CDK13: variants seen among roughly 807,000 people sequenced by gnomAD.
The protein encoded by CDK13 is cyclin-dependent kinase 13.
Under a neutral mutation model 137.6 loss-of-function variants are expected in CDK13, and 40 were observed. That is an observed-to-expected ratio of 0.29 (90% CI 0.23 to 0.38). The LOEUF (loss-of-function observed/expected upper bound fraction) is 0.38, where lower values mean the gene tolerates loss of function less well. Among genes scored for constraint, CDK13 ranks in the 10% least tolerant of loss-of-function variants. The probability of loss-of-function intolerance (pLI) is 1.00; values close to 1 mark genes in which losing one functional copy is unlikely to be tolerated. For synonymous variants in CDK13, 869 were observed against 760.1 expected (o/e 1.14, Z -2.36); for missense variants, 1,704 against 1,951.8 (o/e 0.87, Z 2.39).
intron 5 of CDK13, among the ~76,000 whole-genome samples, chr7:40,039,592 C>T (rs1449542513): frequency 5.9e-5 from 9 of 151,758 alleles, no homozygotes; most frequent in Admixed American, 3.9e-4. Flanking sequence ...CCACCATGCC[C>T]GGCTAATTTT....
At position 39,950,465 on chromosome 7, in the gene CDK13, T is replaced by C; in HGVS notation, c.-177T>C. On this transcript the variant is annotated 5_prime_UTR_variant, in exon 1 of 14. Coordinates refer to ENST00000181839, the MANE Select transcript of CDK13 (RefSeq NM_003718.5). ...GCCCGGAGGCTGCTGCGTACCCCAC[T>C]GTGACCTGGAACCCAGGGACCCGAG... The C allele has an allele frequency of 1.6e-6, 2 of 1,254,060 alleles. No individual in the cohort carries two copies. Among genetic ancestry groups the C allele is most frequent in the Middle Eastern group, 6.1e-4 (2 of 3,260 alleles). 77.7% of individuals were successfully genotyped at this position (1,254,060 alleles called of 1,614,324 possible). A position where few individuals can be genotyped will look rare whatever the true frequency, so the allele number is the denominator to read the frequency against.
At chr7:39,954,870 C>T (rs1787358888) in intron 1 of CDK13, among the ~76,000 whole-genome samples, 1 of 152,212 alleles carries the variant, frequency 6.6e-6, no homozygotes, top group Admixed American at 6.5e-5. Flanking sequence ...CCACCTGCTG[C>T]ATCAGCCTCC....
chr7:40,078,358 A>G (rs1584077860), intron 10 of CDK13: 1 of 360,274 alleles, frequency 2.8e-6, no homozygotes, highest in East Asian at 4.6e-5. Context: ...TAATAAGATC[A>G]TTTAAATGTT....
rs774449518 is a variant in CDK13 at position 40,093,198 on chromosome 7, C to G, written c.3649C>G (p.Gln1217Glu). The G allele has an allele frequency of 2.3e-5, 37 of 1,613,630 alleles. 1 individual carries two copies. Among genetic ancestry groups the G allele is most frequent in the Middle Eastern group, 1.6e-4 (1 of 6,084 alleles). ...TGGATCGGGACATGAAGCGTCATTA[C>G]AACTCAGGCCACCTCCAGAACCTAG... ...ENGSGHEASL[Q>E]LRPPPEPSTP... Residue 1217 changes from glutamine to glutamate, a missense_variant, in exon 13 of 14, where the codon CAA (glutamine) becomes GAA (glutamate). Physicochemically the swap from Gln to Glu is conservative, Grantham distance 29 (BLOSUM62 2). Around this residue, in one of 5 missense-constraint regions of CDK13, gnomAD observed 475 missense variants for 579.3 expected, o/e 0.82. Coordinates refer to ENST00000181839, the MANE Select transcript of CDK13 (RefSeq NM_003718.5).
At chr7:39,962,465 C>A (rs1395272796) in intron 1 of CDK13, among the ~76,000 whole-genome samples, 2 of 152,128 alleles carry the variant, frequency 1.3e-5, no homozygotes. Flanking sequence ...TATCCTTCGC[C>A]CACTTTTTGA....
Position 40,021,796 on chromosome 7 carries a change from TG to T in CDK13, c.2353+19766del, listed in dbSNP as rs1447951260. 4.3e-4 allele frequency among the ~76,000 whole-genome samples: 66 copies of T among 152,156 alleles called. 1 individual carries two copies. The highest frequency in any genetic ancestry group is 5.2e-4 in the Non-Finnish European group (35 of 67,902). On this transcript the variant is annotated intron_variant, in intron 5 of 13. Transcript: ENST00000181839. ...GGGGTATAGGAAAAGTTAGAATTTT[TG>T]TCATGCACTAAATATGTGAAAAATA...
At chr7:40,034,798 T>C (rs1193944596) in intron 5 of CDK13, among the ~76,000 whole-genome samples, 1 of 152,228 alleles carries the variant, frequency 6.6e-6, no homozygotes, top group Admixed American at 6.5e-5. Flanking sequence ...GTCAGTCTGG[T>C]AGAAGAGAAT....
intron 2 of CDK13, among the ~76,000 whole-genome samples, chr7:39,992,996 C>T (rs574982331): frequency 3.7e-4 from 57 of 152,214 alleles, no homozygotes; most frequent in African/African-American, 1.3e-3. Context: ...AAGGTCTCTC[C>T]ATATATGAGG....
At chr7:40,047,594 T>G (rs1378359839) in intron 6 of CDK13, among the ~76,000 whole-genome samples, 5 of 151,916 alleles carry the variant, frequency 3.3e-5, no homozygotes, top group Admixed American at 6.6e-5. Flanking sequence ...ATAATCATAT[T>G]ACTATAATAA....
intron 7 of CDK13, among the ~76,000 whole-genome samples, chr7:40,055,362 T>C (rs559893556): frequency 6.6e-6 from 1 of 152,310 alleles, no homozygotes; most frequent in South Asian, 2.1e-4. Context: ...CATTGTGAGT[T>C]AATTTGCTTT....
intron 11 of CDK13, among the ~76,000 whole-genome samples, chr7:40,086,444 A>G (rs1425997228): frequency 2.0e-5 from 3 of 152,208 alleles, no homozygotes; most frequent in Non-Finnish European, 4.4e-5. Flanking sequence ...TCACCTTTCT[A>G]AGCCTCAAGT....
chr7:39,976,491 G>A (rs2116214782), intron 1 of CDK13, among the ~76,000 whole-genome samples: 1 of 152,066 alleles, frequency 6.6e-6, no homozygotes, highest in Admixed American at 6.6e-5. Flanking sequence ...TACCTTGGTT[G>A]CACATGAGGA....
At chr7:40,050,560 T>C (rs970235156) in intron 7 of CDK13, among the ~76,000 whole-genome samples, 8 of 151,962 alleles carry the variant, frequency 5.3e-5, no homozygotes, top group Non-Finnish European at 1.2e-4. Context: ...CCCAGCTAAT[T>C]TTTGTATTTT....
rs1045423416 is a variant in CDK13, at chr7:39,951,549, A to G, written c.908A>G (p.Asp303Gly). ...YKEPPKAYREDKTEPKAYRRR... is the reference protein window; with the variant it reads ...YKEPPKAYREGKTEPKAYRRR... ...GAACCGCCCAAGGCCTACCGGGAGG[A>G]CAAGACCGAGCCTAAGGCCTACAGG... Residue 303 changes from aspartate to glycine, a missense_variant, in exon 1 of 14, where the codon GAC (aspartate) becomes GGC (glycine). By Grantham distance (94) the Asp-to-Gly change is moderately conservative. This residue lies in a region of CDK13 where 1,051 missense variants were observed against 931.0 expected (regional missense o/e 1.13). Coordinates refer to ENST00000181839, the MANE Select transcript of CDK13 (RefSeq NM_003718.5). 3 of 1,538,966 alleles carry G rather than the reference A, an allele frequency of 1.9e-6. No individual in the cohort carries two copies. Among genetic ancestry groups the G allele is most frequent in the Middle Eastern group, 2.0e-4 (1 of 4,894 alleles).
At chr7:40,089,509 G>T (rs1016738184) in intron 12 of CDK13, among the ~76,000 whole-genome samples, 1 of 151,608 alleles carries the variant, frequency 6.6e-6, no homozygotes, top group East Asian at 1.9e-4. Flanking sequence ...CTTTGACTCA[G>T]TCTGTCATAG....
intron 5 of CDK13, among the ~76,000 whole-genome samples, chr7:40,003,917 C>T (rs1298971680): frequency 1.3e-5 from 2 of 152,212 alleles, no homozygotes; most frequent in Non-Finnish European, 2.9e-5. Context: ...CCTGATCAGT[C>T]TTCCCACTTT....
rs569144138 is a variant in CDK13, at chr7:40,035,113, T to C, written c.2354-10723T>C. The stretch of plus-strand genomic sequence containing the variant: ...TGATACTAATATTTTTCTAAGGATA[T>C]GTATATATATCAGCTTTCCTACCAT... On this transcript the variant is annotated intron_variant, in intron 5 of 13. Coordinates refer to ENST00000181839, the MANE Select transcript of CDK13 (RefSeq NM_003718.5). Among the ~76,000 whole-genome samples the C allele has an allele frequency of 1.2e-4, 19 of 152,334 alleles. No homozygotes were observed. The East Asian group carries it at 2.7e-3, about 22-fold the overall frequency.
At position 40,047,836 on chromosome 7, in the gene CDK13, T is replaced by A; in HGVS notation, c.2559T>A (p.Leu853=). 6.2e-7 allele frequency: 1 copy of A among 1,611,078 alleles called. No individual in the cohort carries two copies. Among genetic ancestry groups the A allele is most frequent in the Non-Finnish European group, 8.5e-7 (1 of 1,177,666 alleles). Residue 853 remains leucine, a synonymous_variant, in exon 7 of 14, where the codon CTT becomes CTA. Coordinates refer to ENST00000181839, the MANE Select transcript of CDK13 (RefSeq NM_003718.5). Reference sequence around the variant, plus strand: ...TTTCCACCAGAGGGCAGATAAAACTTGCAGACTTTGGACTTGCTCGATTGT... The same window carrying A: ...TTTCCACCAGAGGGCAGATAAAACTAGCAGACTTTGGACTTGCTCGATTGT... ...ILLNNRGQIK[L]ADFGLARLYS... is the part of the protein sequence containing the mutation.
At chr7:40,059,227 T>G (rs1268031055) in intron 7 of CDK13, 1 of 152,260 alleles carries the variant, frequency 6.6e-6, no homozygotes, top group Non-Finnish European at 1.5e-5. Flanking sequence ...GGCACACTCC[T>G]TATCACACTG....
Sources: allele counts gnomAD v4.1 joint callset (sites outside exome capture counted in the v4.1 genomes callset), GRCh38; gene constraint gnomAD v4.1.1; regional missense constraint gnomAD v4.1.1; transcripts MANE v1.5; gene names NCBI Gene and HGNC (gene_info 2026-07-23, HGNC 2026-07-21).